Variants in MSTO1 observed in about 807,000 individuals in gnomAD.
The protein encoded by MSTO1 is protein misato homolog 1.
A neutral mutation model predicts 55.7 loss-of-function variants in MSTO1; 24 were observed. The observed-to-expected ratio is 0.43, with a 90% CI of 0.31 to 0.61. The LOEUF (loss-of-function observed/expected upper bound fraction) is 0.61. MSTO1 is among the 20% of genes least tolerant of loss of function. The pLI is 0.09. For missense variants in MSTO1, 363 were observed against 625.7 expected (o/e 0.58, Z 4.48); for synonymous variants, 162 against 252.8 (o/e 0.64, Z 3.41).
upstream of MSTO1, among the ~76,000 whole-genome samples, chr1:155,605,870 A>G (rs1387666200): frequency 6.6e-6 from 1 of 152,232 alleles, no homozygotes; most frequent in East Asian, 1.9e-4. Flanking sequence ...CCAATCTCAT[A>G]TAAATTCTTG....
At chr1:155,586,553 A>G in the MSTO1 span, 1 of 301,866 alleles carries the variant, frequency 3.3e-6, no homozygotes, top group Non-Finnish European at 6.6e-6. Flanking sequence ...TCTAGATATT[A>G]CTCCATATTA....
intron 9 of MSTO1, 106 bp from the exon 10 acceptor site, chr1:155,612,738 A>G: frequency 6.8e-7 from 1 of 1,471,016 alleles, no homozygotes; most frequent in Non-Finnish European, 9.3e-7. Context: ...CTGGGGTCAA[A>G]CATACCCCTG....
chr1:155,605,022 A>T, the MSTO1 span, among the ~76,000 whole-genome samples: 3 of 152,318 alleles, frequency 2.0e-5, no homozygotes, highest in Admixed American at 1.3e-4. Flanking sequence ...GCACTTTGGG[A>T]GGCTGAGGCA....
At chr1:155,587,607 G>A in the MSTO1 span, among the ~76,000 whole-genome samples, 3 of 151,806 alleles carry the variant, frequency 2.0e-5, no homozygotes, top group Non-Finnish European at 2.9e-5. Context: ...AGCCGGGCGT[G>A]GTGGCGGGCG....
the MSTO1 span, among the ~76,000 whole-genome samples, chr1:155,605,137 T>C: frequency 6.6e-6 from 1 of 152,086 alleles, no homozygotes; most frequent in African/African-American, 2.4e-5. Context: ...GGTGGGCACC[T>C]GTAATCCCAG....
the MSTO1 span, among the ~76,000 whole-genome samples, chr1:155,580,012 G>T: frequency 1.3e-5 from 2 of 151,534 alleles, no homozygotes; most frequent in East Asian, 2.0e-4. Context: ...GGAGGCAGAG[G>T]TTGCAGTGAG....
the MSTO1 span, among the ~76,000 whole-genome samples, chr1:155,575,883 C>T: frequency 1.9e-4 from 28 of 151,014 alleles, no homozygotes; most frequent in Non-Finnish European, 3.5e-4. Context: ...AGTGCAATGG[C>T]GTGATCTCGG....
the MSTO1 span, among the ~76,000 whole-genome samples, chr1:155,593,434 A>C: frequency 6.6e-6 from 1 of 152,228 alleles, no homozygotes; most frequent in Non-Finnish European, 1.5e-5. Context: ...AGATATTTTA[A>C]AGTGAGACAA....
At chr1:155,570,071 C>T in the MSTO1 span, among the ~76,000 whole-genome samples, 1 of 152,158 alleles carries the variant, frequency 6.6e-6, no homozygotes, top group African/African-American at 2.4e-5. Context: ...TTATGCATCT[C>T]CACCTCAGAA....
At chr1:155,572,637 G>A in the MSTO1 span, among the ~76,000 whole-genome samples, 1 of 151,916 alleles carries the variant, frequency 6.6e-6, no homozygotes, top group East Asian at 1.9e-4. Context: ...GCTTGAACCC[G>A]GGAGATGGAG....
chr1:155,567,309 T>A, the MSTO1 span, among the ~76,000 whole-genome samples: 2 of 116,674 alleles, frequency 1.7e-5, no homozygotes, highest in East Asian at 2.4e-4. Context: ...ATTTTTGTAA[T>A]TTTTTTTTTT....
the MSTO1 span, among the ~76,000 whole-genome samples, chr1:155,581,695 C>T: frequency 6.6e-6 from 1 of 152,070 alleles, no homozygotes; most frequent in Non-Finnish European, 1.5e-5. Context: ...AGCCACTGCG[C>T]CCGGCATGGA....
chr1:155,592,936 G>A, the MSTO1 span, among the ~76,000 whole-genome samples: 2 of 151,138 alleles, frequency 1.3e-5, no homozygotes, highest in African/African-American at 4.9e-5. Context: ...TTTTGAGATG[G>A]AGTCTTGCTC....
At chr1:155,564,197 C>A in the MSTO1 span, among the ~76,000 whole-genome samples, 1 of 152,160 alleles carries the variant, frequency 6.6e-6, no homozygotes, top group Non-Finnish European at 1.5e-5. Context: ...AATGACTGTT[C>A]AAAAGCCCAT....
upstream of MSTO1, among the ~76,000 whole-genome samples, chr1:155,607,657 T>G (rs149764605): frequency 6.0e-4 from 91 of 152,364 alleles, no homozygotes; most frequent in African/African-American, 2.1e-3. Flanking sequence ...GAGAACTTCC[T>G]TAAACTGTCA....
the MSTO1 span, among the ~76,000 whole-genome samples, chr1:155,578,368 A>C: frequency 3.1e-5 from 1 of 32,404 alleles, no homozygotes; most frequent in Non-Finnish European, 6.0e-5. Context: ...TTTTTTTGAG[A>C]TAGAGTCTCA....
chr1:155,613,394 A>T, intron 11 of MSTO1, 68 bp from the exon 12 acceptor site: 1 of 1,605,202 alleles, frequency 6.2e-7, no homozygotes, highest in Non-Finnish European at 8.5e-7. Context: ...ATGGCCTGAG[A>T]ACATAAGAAT....
the MSTO1 span, among the ~76,000 whole-genome samples, chr1:155,577,598 G>C: frequency 6.6e-6 from 1 of 152,148 alleles, no homozygotes; most frequent in Non-Finnish European, 1.5e-5. Context: ...TGATGTAAGC[G>C]TATGCCAGTA....
the MSTO1 span, among the ~76,000 whole-genome samples, chr1:155,576,361 T>TCCAGG: frequency 1.3e-5 from 2 of 152,012 alleles, no homozygotes; most frequent in Non-Finnish European, 2.9e-5. Context: ...AGACGGAGTC[T>TCCAGG]CTGTCACCAG....
Sources: gnomAD v4.1 joint callset for allele counts (sites outside exome capture counted in the v4.1 genomes callset) on GRCh38, gnomAD v4.1.1 for gene constraint, MANE v1.5 for transcripts, NCBI Gene and HGNC (gene_info 2026-07-23, HGNC 2026-07-21) for gene names.